The following PDE4D variants were observed in gnomAD, a reference collection of about 807,000 sequenced individuals.
PDE4D encodes phosphodiesterase 4D, also known as 3',5'-cyclic-AMP phosphodiesterase 4D.
PDE4D carries 24 observed loss-of-function variants against 87.4 expected under a neutral mutation model. The observed-to-expected ratio is 0.27, with a 90% confidence interval of 0.20 to 0.39. PDE4D has a LOEUF of 0.39. Among genes scored for constraint, PDE4D ranks in the 10% least tolerant of loss-of-function variants. The probability of loss-of-function intolerance (pLI) is 1.00; values close to 1 mark genes in which losing one functional copy is unlikely to be tolerated. For missense variants in PDE4D, 714 were observed against 1,041.0 expected (o/e 0.69, Z 4.32); for synonymous variants, 384 against 383.2 (o/e 1.00, Z -0.02).
chr5:60,327,130 A>G (rs1438000873), intron 1 of PDE4D, among the ~76,000 whole-genome samples: 1 of 151,566 alleles, frequency 6.6e-6, no homozygotes, highest in East Asian at 1.9e-4. Flanking sequence ...TGAAATTGAC[A>G]TAAGATAGAT....
intron 5 of PDE4D, among the ~76,000 whole-genome samples, chr5:59,119,063 A>T (rs1432170630): frequency 6.6e-6 from 1 of 152,186 alleles, no homozygotes; most frequent in Non-Finnish European, 1.5e-5. Context: ...AGATGAAATT[A>T]AAAAAAGCTT....
At chr5:59,870,613 T>A (rs944779178) in intron 1 of PDE4D, among the ~76,000 whole-genome samples, 3 of 152,196 alleles carry the variant, frequency 2.0e-5, no homozygotes, top group African/African-American at 7.2e-5. Flanking sequence ...CTACTTACCT[T>A]ATTGATATAG....
chr5:59,067,793 CT>C (rs1338170791), intron 5 of PDE4D, among the ~76,000 whole-genome samples: 4 of 152,160 alleles, frequency 2.6e-5, no homozygotes, highest in African/African-American at 9.6e-5. Flanking sequence ...GCATTCTGCC[CT>C]CTTATTTCTC....
At chr5:59,215,665 T>A in intron 2 of PDE4D, 112 bp downstream of exon 2, 1 of 867,600 alleles carries the variant, frequency 1.2e-6, no homozygotes, top group Non-Finnish European at 1.8e-6. Context: ...ATATTCTTTC[T>A]ACATTGGAGG....
intron 1 of PDE4D, among the ~76,000 whole-genome samples, chr5:59,402,105 C>T (rs1430924385): frequency 6.6e-6 from 1 of 152,154 alleles, no homozygotes; most frequent in Admixed American, 6.5e-5. Context: ...AGAAAACCAA[C>T]TTTTTATGTT....
In PDE4D at chr5:59,860,776, C is replaced by T. The variant is rs528646619; in HGVS notation, c.455+32392G>A. Among the ~76,000 whole-genome samples the T allele has an allele frequency of 2.2e-4, 33 of 152,208 alleles. 1 individual carries two copies. In the South Asian group the frequency reaches 5.6e-3, roughly 26 times the overall value. On this transcript the variant is annotated intron_variant, in intron 1 of 14. Transcript: ENST00000340635. Reference sequence around the variant, plus strand: ...ATTCTTTCTCATTCAAGATACTACCCTACTTAATACCACATAAATTATCAT... The same window carrying T: ...ATTCTTTCTCATTCAAGATACTACCTTACTTAATACCACATAAATTATCAT...
At chr5:59,607,007 T>C (rs1359553298) in intron 1 of PDE4D, among the ~76,000 whole-genome samples, 6 of 152,204 alleles carry the variant, frequency 3.9e-5, no homozygotes, top group Non-Finnish European at 7.4e-5. Flanking sequence ...TGCCTTTTGG[T>C]TAAAAAGTAA....
At chr5:60,012,361 CT>C (rs1765096992) in intron 2 of PDE4D, among the ~76,000 whole-genome samples, 1 of 152,148 alleles carries the variant, frequency 6.6e-6, no homozygotes, top group South Asian at 2.1e-4. Context: ...TTAAACATGA[CT>C]TTAAATGATT....
At chr5:59,807,225 G>T (rs954613110) in intron 1 of PDE4D, among the ~76,000 whole-genome samples, 1 of 151,556 alleles carries the variant, frequency 6.6e-6, no homozygotes, top group East Asian at 2.0e-4. Context: ...GCCTTAGAAG[G>T]CCCACTCTTT....
chr5:60,068,890 GTT>G (rs1230601506), intron 2 of PDE4D, among the ~76,000 whole-genome samples: 1 of 152,060 alleles, frequency 6.6e-6, no homozygotes, highest in Non-Finnish European at 1.5e-5. Context: ...GTTTACTTTT[GTT>G]TTTGTTGCCT....
chr5:59,265,433 G>A (rs1426838022), intron 1 of PDE4D, among the ~76,000 whole-genome samples: 1 of 151,884 alleles, frequency 6.6e-6, no homozygotes, highest in East Asian at 1.9e-4. Context: ...CTATATAAAT[G>A]CTTAATTCTG....
intron 1 of PDE4D, among the ~76,000 whole-genome samples, chr5:60,274,173 G>GTAGAGAAAAACAAGATGAA (rs2149730769): frequency 1.3e-5 from 2 of 152,022 alleles, no homozygotes; most frequent in Non-Finnish European, 1.5e-5. Context: ...TGATGATGGG[G>GTAGAGAAAAACAAGATGAA]GTAGAGAAAA....
chr5:59,683,333 T>C (rs1749336709), intron 1 of PDE4D, among the ~76,000 whole-genome samples: 1 of 152,192 alleles, frequency 6.6e-6, no homozygotes, highest in Non-Finnish European at 1.5e-5. Context: ...TATCTGGGAA[T>C]TCCTTGTGCT....
chr5:59,255,157 G>A (rs1458504234), intron 1 of PDE4D, among the ~76,000 whole-genome samples: 2 of 152,008 alleles, frequency 1.3e-5, no homozygotes, highest in Non-Finnish European at 2.9e-5. Context: ...GTGAAACAAC[G>A]CAAGTGTCTA....
chr5:59,465,288 C>T lies in PDE4D; in HGVS notation c.456-249320G>A, dbSNP rs556576262. ...TCTTTTTATTTATTTCATTCTCTTG[C>T]TTCTCCTACCACCATCACCACCTAC... On this transcript the variant is annotated intron_variant, in intron 1 of 14. Coordinates refer to ENST00000340635, the MANE Select transcript of PDE4D (RefSeq NM_001104631.2). Among the ~76,000 whole-genome samples the T allele has an allele frequency of 3.3e-5, 5 of 152,126 alleles. No homozygotes were observed. The East Asian group carries it at 9.7e-4, about 29-fold the overall frequency.
At chr5:60,462,798 T>A (rs566481724) in intron 1 of PDE4D, among the ~76,000 whole-genome samples, 1 of 152,150 alleles carries the variant, frequency 6.6e-6, no homozygotes, top group African/African-American at 2.4e-5. Flanking sequence ...GCATCCAGCA[T>A]TTTCCCCCTC....
intron 1 of PDE4D, among the ~76,000 whole-genome samples, chr5:59,535,218 T>G (rs932293765): frequency 6.6e-6 from 1 of 152,092 alleles, no homozygotes; most frequent in Admixed American, 6.5e-5. Context: ...AGTGGAAGTC[T>G]GTGAACCTCT....
chr5:59,216,968 A>T (rs748553391), intron 1 of PDE4D: 2 of 252,708 alleles, frequency 7.9e-6, no homozygotes, highest in Non-Finnish European at 1.6e-5. Flanking sequence ...CTCTCTACAA[A>T]TGGAGACTCA....
At chr5:59,672,277 G>T (rs1247339311) in intron 1 of PDE4D, among the ~76,000 whole-genome samples, 1 of 152,138 alleles carries the variant, frequency 6.6e-6, no homozygotes, top group African/African-American at 2.4e-5. Flanking sequence ...GTGAAGAGAG[G>T]CCAAATCCAG....
Sources: gnomAD v4.1 joint callset for allele counts (sites outside exome capture counted in the v4.1 genomes callset) on GRCh38, gnomAD v4.1.1 for gene constraint, MANE v1.5 for transcripts, NCBI Gene and HGNC (gene_info 2026-07-23, HGNC 2026-07-21) for gene names.